The following ENOX1 variants were observed in gnomAD, a reference collection of about 807,000 sequenced individuals.
The protein encoded by ENOX1 is ecto-NOX disulfide-thiol exchanger 1.
In ENOX1, 42 loss-of-function variants were observed where a neutral mutation model predicts 82.5. The observed-to-expected ratio is 0.51, with a 90% CI of 0.40 to 0.66. ENOX1 has a LOEUF of 0.66. Ranked by LOEUF, ENOX1 falls within the 30% of genes least tolerant of loss-of-function variation. ENOX1 has a pLI of 0.00. For missense variants in ENOX1, 608 were observed against 811.6 expected, an observed-to-expected ratio of 0.75 and a Z score of 3.05; for synonymous variants, 271 against 282.2, an observed-to-expected ratio of 0.96 and a Z score of 0.40.
At chr13:43,679,276 C>T (rs2085666582) in intron 1 of ENOX1, among the ~76,000 whole-genome samples, 1 of 152,098 alleles carries the variant, frequency 6.6e-6, no homozygotes, top group Non-Finnish European at 1.5e-5. Flanking sequence ...ATCATTTCTT[C>T]CATTTCTTCC....
chr13:43,288,416 G>T (rs1374857971), intron 12 of ENOX1, among the ~76,000 whole-genome samples: 1 of 152,066 alleles, frequency 6.6e-6, no homozygotes, highest in African/African-American at 2.4e-5. Flanking sequence ...TAAACATGGG[G>T]TATGTCTTTG....
At chr13:43,349,246 C>T (rs1012866483) in intron 8 of ENOX1, among the ~76,000 whole-genome samples, 1 of 152,196 alleles carries the variant, frequency 6.6e-6, no homozygotes, top group South Asian at 2.1e-4. Flanking sequence ...CTTCAGAAGT[C>T]ATTATCACTG....
intron 8 of ENOX1, among the ~76,000 whole-genome samples, chr13:43,346,928 A>T (rs950444871): frequency 1.4e-4 from 21 of 152,194 alleles, no homozygotes; most frequent in Non-Finnish European, 5.9e-5. Flanking sequence ...GACTTCATGT[A>T]CTATTTTTCC....
chr13:43,571,912 C>T (rs1036619799), intron 2 of ENOX1, among the ~76,000 whole-genome samples: 1 of 151,754 alleles, frequency 6.6e-6, no homozygotes, highest in Non-Finnish European at 1.5e-5. Context: ...GTGGTGCATG[C>T]GCAAGGAGTC....
chr13:43,244,824 T>A lies in ENOX1; in HGVS notation c.1612-8086A>T, dbSNP rs189036672. Among the ~76,000 whole-genome samples, 4 of 152,348 alleles carry A rather than the reference T, an allele frequency of 2.6e-5. No homozygotes were observed. The East Asian group carries it at 7.7e-4, about 29-fold the overall frequency. ...AGGCTCGTTTTCCTTCCCTGCCTGC[T>A]TGTTCCATGGCCTTCTTGTGCTGTT... On this transcript the variant is annotated intron_variant, in intron 14 of 16. Coordinates refer to ENST00000690772, the MANE Select transcript of ENOX1 (RefSeq NM_001347969.2).
intron 1 of ENOX1, among the ~76,000 whole-genome samples, chr13:43,774,867 G>A (rs1426935919): frequency 6.6e-6 from 1 of 150,892 alleles, no homozygotes; most frequent in Non-Finnish European, 1.5e-5. Flanking sequence ...CTTTTTTTTT[G>A]AGATGGAGTT....
intron 1 of ENOX1, among the ~76,000 whole-genome samples, chr13:43,669,172 T>C (rs2085134238): frequency 6.6e-6 from 1 of 152,170 alleles, no homozygotes; most frequent in African/African-American, 2.4e-5. Context: ...CAACCAGCAA[T>C]ACGGGGACCA....
intron 5 of ENOX1, among the ~76,000 whole-genome samples, chr13:43,371,675 A>G (rs2051255213): frequency 6.6e-6 from 1 of 152,250 alleles, no homozygotes. Flanking sequence ...AAAGAAAAAC[A>G]TTCAATATTT....
intron 12 of ENOX1, among the ~76,000 whole-genome samples, chr13:43,279,694 C>T (rs185197509): frequency 1.3e-5 from 2 of 152,192 alleles, no homozygotes; most frequent in Admixed American, 1.3e-4. Context: ...AAAAGGTGCC[C>T]GCTGAGTTAA....
rs35476412 is a variant in ENOX1 at position 43,222,380 on chromosome 13, TAC to T, written c.1800+1671_1800+1672del. Among the ~76,000 whole-genome samples the T allele has an allele frequency of 2.5e-3, 368 of 148,764 alleles. 5 individuals carry two copies. The highest frequency in any genetic ancestry group is 6.6e-3 in the Admixed American group (99 of 14,968). The stretch of plus-strand genomic sequence containing the variant: ...CCTGCCCATTCCCAGGAGATGATTT[TAC>T]ACACACACACACACACACACACGCA... On this transcript the variant is annotated intron_variant, in intron 16 of 16. Transcript: ENST00000690772.
chr13:43,320,436 A>C (rs1244754312), intron 11 of ENOX1, among the ~76,000 whole-genome samples: 1 of 152,066 alleles, frequency 6.6e-6, no homozygotes, highest in Non-Finnish European at 1.5e-5. Flanking sequence ...TTCTCATCAG[A>C]TGCCTGGGGA....
At chr13:43,603,090 T>C (rs1477283501) in intron 2 of ENOX1, among the ~76,000 whole-genome samples, 1 of 152,030 alleles carries the variant, frequency 6.6e-6, no homozygotes, top group African/African-American at 2.4e-5. Context: ...ATGGAAATCA[T>C]CCATCATCTC....
At chr13:43,745,299 A>C (rs1432750083) in intron 1 of ENOX1, among the ~76,000 whole-genome samples, 1 of 152,228 alleles carries the variant, frequency 6.6e-6, no homozygotes, top group Non-Finnish European at 1.5e-5. Flanking sequence ...ACCAAAATAA[A>C]ATTTATCCAC....
chr13:43,256,261 A>C (rs1287930334), intron 14 of ENOX1, among the ~76,000 whole-genome samples: 1 of 152,206 alleles, frequency 6.6e-6, no homozygotes, highest in Non-Finnish European at 1.5e-5. Flanking sequence ...TTTTTGAGGA[A>C]AACCTCAAAA....
chr13:43,412,812 T>C (rs79015657), intron 4 of ENOX1, 33 bp downstream of exon 4: 7 of 1,610,782 alleles, frequency 4.3e-6, no homozygotes, highest in East Asian at 2.2e-5. Flanking sequence ...AAAAAATCCT[T>C]GTTTGTGTCC....
chr13:43,640,598 C>G (rs1259301519), intron 2 of ENOX1, among the ~76,000 whole-genome samples: 4 of 152,122 alleles, frequency 2.6e-5, no homozygotes, highest in African/African-American at 9.7e-5. Flanking sequence ...ATGCACCAAT[C>G]AACTCAAATT....
chr13:43,384,655 G>GT (rs1197843385), intron 5 of ENOX1, among the ~76,000 whole-genome samples: 1 of 152,222 alleles, frequency 6.6e-6, no homozygotes, highest in African/African-American at 2.4e-5. Context: ...AAAGGTAGTG[G>GT]TGTGTTCTGA....
At chr13:43,348,157 C>G (rs1403136025) in intron 8 of ENOX1, among the ~76,000 whole-genome samples, 1 of 152,220 alleles carries the variant, frequency 6.6e-6, no homozygotes, top group Non-Finnish European at 1.5e-5. Flanking sequence ...ATTCTTCCCT[C>G]AAGATTCAGC....
chr13:43,697,857 G>A (rs945698786), intron 1 of ENOX1, among the ~76,000 whole-genome samples: 3 of 152,164 alleles, frequency 2.0e-5, no homozygotes, highest in Admixed American at 1.3e-4. Flanking sequence ...GCTACTTACT[G>A]TAGATGAAGC....
Sources: gnomAD v4.1 joint callset for allele counts (sites outside exome capture counted in the v4.1 genomes callset) on GRCh38, gnomAD v4.1.1 for gene constraint, MANE v1.5 for transcripts, NCBI Gene and HGNC (gene_info 2026-07-23, HGNC 2026-07-21) for gene names.